The following ZBTB25 variants were observed in gnomAD, a reference collection of about 807,000 sequenced individuals.
The protein encoded by ZBTB25 is zinc finger and BTB domain containing 25.
Under a neutral mutation model 34.2 loss-of-function variants are expected in ZBTB25, and 20 were observed. The observed-to-expected ratio is 0.58, with a 90% confidence interval of 0.41 to 0.85. The LOEUF is 0.85. Ranked by LOEUF, ZBTB25 falls within the 40% of genes least tolerant of loss-of-function variation. The pLI, the probability that ZBTB25 is intolerant of heterozygous loss-of-function variation, is 0.00. For missense variants in ZBTB25, 437 were observed against 521.8 expected, an observed-to-expected ratio of 0.84 and a Z score of 1.58; for synonymous variants, 175 against 186.4, an observed-to-expected ratio of 0.94 and a Z score of 0.50.
Position 64,502,429 on chromosome 14 carries a change from C to T in ZBTB25, c.-8+1232G>A, listed in dbSNP as rs2079527614. 1.9e-5 allele frequency: 3 copies of T among 156,558 alleles called. No homozygotes were observed. In the Admixed American group the frequency reaches 2.0e-4, roughly 10 times the overall value. The allele number at this position is 156,558 out of a possible 1,614,324, so 9.7% of individuals were successfully genotyped here. A position where few individuals can be genotyped will look rare whatever the true frequency, so the allele number is the denominator to read the frequency against. On this transcript the variant is annotated intron_variant, in intron 1 of 2. Coordinates refer to ENST00000608382, the MANE Select transcript of ZBTB25 (RefSeq NM_006977.5). ...GATTTACCCTTAACTAAAATATATC[C>T]AGATTGTTAAAGAAGACTTTGATGC...
intron 2 of ZBTB25, chr14:64,459,877 A>C: frequency 6.5e-7 from 1 of 1,536,096 alleles, no homozygotes; most frequent in Non-Finnish European, 8.7e-7. Flanking sequence ...GAAGATCTGA[A>C]ACTAATAGTA....
intron 2 of ZBTB25, among the ~76,000 whole-genome samples, chr14:64,458,926 G>A (rs1261951191): frequency 6.6e-6 from 1 of 152,136 alleles, no homozygotes; most frequent in Non-Finnish European, 1.5e-5. Context: ...TATATCCCTA[G>A]ACACATCCTG....
chr14:64,502,761 T>A, intron 1 of ZBTB25: 1 of 972,078 alleles, frequency 1.0e-6, no homozygotes, highest in Non-Finnish European at 1.2e-6. Flanking sequence ...GTCTTAGCTA[T>A]CAAGAGGTGT....
Position 64,486,979 on chromosome 14 carries a change from A to G in ZBTB25, c.1252T>C (p.Cys418Arg), listed in dbSNP as rs755664002. 1.2e-6 allele frequency: 2 copies of G among 1,614,212 alleles called. No individual in the cohort carries two copies. Among genetic ancestry groups the G allele is most frequent in the Non-Finnish European group, 1.7e-6 (2 of 1,180,038 alleles). Residue 418 changes from cysteine to arginine, a missense_variant, in exon 3 of 3, where the codon TGT (cysteine) becomes CGT (arginine). Physicochemically the swap from Cys to Arg is radical, Grantham distance 180. Transcript: ENST00000608382. ...RLSQEHLDLP[C>R]ALESELTQEN... Reference sequence around the variant, plus strand: ...TGTGTGAGCTCTGACTCTAAGGCACAAGGCAAGTCTAAGTGTTCTTGTGAC... The same window carrying G: ...TGTGTGAGCTCTGACTCTAAGGCACGAGGCAAGTCTAAGTGTTCTTGTGAC...
downstream of ZBTB25, among the ~76,000 whole-genome samples, chr14:64,476,578 C>T (rs2078721614): frequency 6.6e-6 from 1 of 152,194 alleles, no homozygotes; most frequent in Non-Finnish European, 1.5e-5. Context: ...GCCTCAGCCT[C>T]CCAAAGTGCT....
intron 2 of ZBTB25, chr14:64,469,594 C>T: frequency 6.2e-7 from 1 of 1,613,448 alleles, no homozygotes; most frequent in Non-Finnish European, 8.5e-7. Flanking sequence ...CTTCTCTAGT[C>T]AAGAATGCTA....
At chr14:64,469,525 T>A (rs1320295002) in intron 2 of ZBTB25, 1 of 1,613,788 alleles carries the variant, frequency 6.2e-7, no homozygotes. Flanking sequence ...TTGCTAATGA[T>A]AATGGTTTTG....
downstream of ZBTB25, chr14:64,474,311 A>G (rs754956884): frequency 6.0e-6 from 1 of 167,128 alleles, no homozygotes; most frequent in African/African-American, 2.4e-5. Context: ...ACATATTTAT[A>G]GTAGTTCTTT....
chr14:64,495,476 T>C (rs1209155476), intron 1 of ZBTB25, among the ~76,000 whole-genome samples: 1 of 152,222 alleles, frequency 6.6e-6, no homozygotes, highest in African/African-American at 2.4e-5. Context: ...GTGAGCTCTG[T>C]CCTCTTTTCT....
chr14:64,450,605 T>C lies in ZBTB25; in HGVS notation c.174-967A>G, dbSNP rs568768237. ...TGTATTTCAGGATGTGATTTGACAT[T>C]AAGTAGTATGGAAACAACAACTGGA... is the stretch of plus-strand genomic sequence containing the variant. On this transcript the variant is annotated intron_variant, in intron 2 of 2. Transcript: ENST00000555220. Among the ~76,000 whole-genome samples, 14 of 152,378 alleles carry C rather than the reference T, an allele frequency of 9.2e-5. No homozygotes were observed. In the East Asian group the frequency reaches 2.5e-3, roughly 27 times the overall value.
chr14:64,492,166 T>C, intron 1 of ZBTB25, among the ~76,000 whole-genome samples: 1 of 145,880 alleles, frequency 6.9e-6, no homozygotes. Context: ...ACTACATATT[T>C]AATGTACTGA....
Position 64,487,459 on chromosome 14 carries a change from G to A in ZBTB25, c.772C>T (p.His258Tyr), listed in dbSNP as rs1341693822. The change falls in exon 3 of 3, where the codon CAT becomes TAT. Residue 258 changes from histidine to tyrosine, a missense_variant. By Grantham distance (83) the His-to-Tyr change is moderately conservative. Transcript: ENST00000608382. Reference protein sequence around the residue: ...DSRSNLRQHLHTHVSGSLPFG... With the variant: ...DSRSNLRQHLYTHVSGSLPFG... Reference sequence around the variant, plus strand: ...GGCAGGGATCCAGACACATGTGTATGGAGATGTTGCCTTAGGTTACTACGG... The same window carrying A: ...GGCAGGGATCCAGACACATGTGTATAGAGATGTTGCCTTAGGTTACTACGG... The A allele has an allele frequency of 3.1e-6, 5 of 1,614,076 alleles. No individual in the cohort carries two copies. The highest frequency in any genetic ancestry group is 4.2e-6 in the Non-Finnish European group (5 of 1,180,032).
chr14:64,452,002 A>AATTT (rs2078380385), intron 2 of ZBTB25, among the ~76,000 whole-genome samples: 1 of 152,222 alleles, frequency 6.6e-6, no homozygotes, highest in African/African-American at 2.4e-5. Context: ...TGCTCCTTTT[A>AATTT]AAAACAAAAC....
rs2078935055 is a variant in ZBTB25, at chr14:64,487,932, C to A, written c.299G>T (p.Arg100Leu). 1 of 1,614,146 alleles carries A rather than the reference C, an allele frequency of 6.2e-7. No homozygotes were observed. The highest frequency in any genetic ancestry group is 8.5e-7 in the Non-Finnish European group (1 of 1,180,044). Residue 100 changes from arginine (R) to leucine (L), a missense_variant, in exon 3 of 3, where the codon CGA becomes CTA. By Grantham distance (102) the Arg-to-Leu change is moderately radical (BLOSUM62 -2). Transcript: ENST00000608382. ...VDHSRLEEGI[R>L]FLHADYLSHI... is the part of the protein sequence containing the mutation. ...AGAAAGGTAGTCGGCGTGAAGAAAT[C>A]GAATCCCTTCCTCCAAACGACTATG...
At chr14:64,473,499 G>A, downstream of ZBTB25, 1 of 167,158 alleles carries the variant, frequency 6.0e-6, no homozygotes. Flanking sequence ...ATGGATCATG[G>A]AGGCACCAAA....
intron 1 of ZBTB25, among the ~76,000 whole-genome samples, chr14:64,492,178 G>A (rs760943218): frequency 4.2e-4 from 59 of 139,036 alleles, no homozygotes; most frequent in Non-Finnish European, 7.3e-4. Context: ...ATGTACTGAT[G>A]TGGAATAATC....
chr14:64,495,497 T>C (rs2079239594), intron 1 of ZBTB25, among the ~76,000 whole-genome samples: 1 of 152,214 alleles, frequency 6.6e-6, no homozygotes, highest in Non-Finnish European at 1.5e-5. Flanking sequence ...TCAAGAGAGA[T>C]TACAGGTTGT....
In ZBTB25 at chr14:64,479,266, A is replaced by C. The variant is rs1399947503; in HGVS notation, c.*7657T>G. On this transcript the variant is annotated 3_prime_UTR_variant, in exon 3 of 3. Transcript: ENST00000608382. Reference sequence around the variant, plus strand: ...CAGCTCTAATGACATTTTGAGGTACATATTCTGTATTGCGGGAGGCTGTCC... The same window carrying C: ...CAGCTCTAATGACATTTTGAGGTACCTATTCTGTATTGCGGGAGGCTGTCC... The C allele has an allele frequency of 6.6e-6, 1 of 152,190 alleles. No homozygotes were observed. The highest frequency in any genetic ancestry group is 6.5e-5 in the Admixed American group (1 of 15,274). The allele number at this position is 152,190 out of a possible 1,614,324, so 9.4% of individuals were successfully genotyped here. A position where few individuals can be genotyped will look rare whatever the true frequency, so the allele number is the denominator to read the frequency against.
Position 64,458,096 on chromosome 14 carries a change from GCC to G in ZBTB25, c.174-8460_174-8459del. On this transcript the variant is annotated intron_variant, in intron 2 of 2. Coordinates refer to the ZBTB25 transcript ENST00000555220. Reference sequence around the variant, plus strand: ...GTAGAGATGGGGGTCTCACTATGTTGCCCAGGGTGGTTTAGAACTCCTGGCCT... The same window carrying G: ...GTAGAGATGGGGGTCTCACTATGTTGCAGGGTGGTTTAGAACTCCTGGCCT... 4.9e-6 allele frequency: 4 copies of G among 810,728 alleles called. No homozygotes were observed. The South Asian group carries it at 5.3e-5, about 11-fold the overall frequency. The allele number at this position is 810,728 out of a possible 1,614,324, so 50.2% of individuals were successfully genotyped here.
Sources: gnomAD v4.1 joint callset for allele counts (sites outside exome capture counted in the v4.1 genomes callset) on GRCh38, gnomAD v4.1.1 for gene constraint, MANE v1.5 for transcripts, NCBI Gene and HGNC (gene_info 2026-07-23, HGNC 2026-07-21) for gene names.